The following VTI1A variants were observed in gnomAD, a reference collection of about 807,000 sequenced individuals.
VTI1A encodes vesicle transport through interaction with t-SNAREs 1A.
Under a neutral mutation model 34.9 loss-of-function variants are expected in VTI1A, and 22 were observed. The ratio of observed to expected loss-of-function variants is 0.63; its 90% confidence interval spans 0.45 to 0.90. The LOEUF (loss-of-function observed/expected upper bound fraction) is 0.90, where lower values mean the gene tolerates loss of function less well. VTI1A is among the 40% of genes least tolerant of loss of function. VTI1A has a pLI of 0.00. For synonymous variants in VTI1A, 87 were observed against 97.3 expected, an observed-to-expected ratio of 0.89 and a Z score of 0.62; for missense variants, 268 against 275.6, an observed-to-expected ratio of 0.97 and a Z score of 0.20.
At chr10:112,607,358 A>G (rs914576685) in intron 5 of VTI1A, among the ~76,000 whole-genome samples, 1 of 151,844 alleles carries the variant, frequency 6.6e-6, no homozygotes, top group African/African-American at 2.4e-5. Context: ...GCAGGAGGTG[A>G]GCCAAGATAG....
intron 5 of VTI1A, among the ~76,000 whole-genome samples, chr10:112,597,444 C>T (rs1844699064): frequency 6.6e-6 from 1 of 152,134 alleles, no homozygotes; most frequent in African/African-American, 2.4e-5. Flanking sequence ...TCTCGAACTC[C>T]CGACCGCAGG....
intron 7 of VTI1A, among the ~76,000 whole-genome samples, chr10:112,687,219 CTTTTTTTTTTTTTTTTTTT>C (rs71303594): frequency 4.7e-5 from 4 of 84,566 alleles, no homozygotes; most frequent in Non-Finnish European, 8.7e-5. Flanking sequence ...CATACTACAA[CTTTTTTTTTTTTTTTTTTT>C]TTTTTTTTTT....
intron 3 of VTI1A, among the ~76,000 whole-genome samples, chr10:112,507,795 A>G (rs1449653727): frequency 6.6e-6 from 1 of 152,158 alleles, no homozygotes; most frequent in Admixed American, 6.5e-5. Flanking sequence ...AGGCTCCTTG[A>G]GATCCTAATC....
At position 112,538,199 on chromosome 10, in the gene VTI1A, A is replaced by G. The variant is rs368954164; in HGVS notation, c.343-47A>G. ...TTTTTTTTAAGGCAAAAAAAAGAACATTGTAGACGGCCGTCTGATTTTTTT... is the reference window on the plus strand; with the variant it reads ...TTTTTTTTAAGGCAAAAAAAAGAACGTTGTAGACGGCCGTCTGATTTTTTT... On this transcript the variant is annotated intron_variant, in intron 4 of 7. Transcript: ENST00000393077. 5 of 1,546,762 alleles carry G rather than the reference A, an allele frequency of 3.2e-6. No homozygotes were observed. The South Asian group carries it at 4.5e-5, about 14-fold the overall frequency.
intron 4 of VTI1A, 183 bp downstream of exon 4, chr10:112,527,347 C>T (rs1850270435): frequency 4.3e-6 from 2 of 463,828 alleles, no homozygotes; most frequent in African/African-American, 2.0e-5. Flanking sequence ...TACATTTAAC[C>T]CTTTACCTTG....
At chr10:112,457,362 C>T (rs1293648543) in intron 1 of VTI1A, among the ~76,000 whole-genome samples, 1 of 152,192 alleles carries the variant, frequency 6.6e-6, no homozygotes, top group Admixed American at 6.5e-5. Flanking sequence ...ATGCCAAGCT[C>T]AGTATAGTGT....
At chr10:112,607,151 G>T (rs924628511) in intron 5 of VTI1A, among the ~76,000 whole-genome samples, 34 of 152,042 alleles carry the variant, frequency 2.2e-4, no homozygotes, top group African/African-American at 7.7e-4. Context: ...GCTGGGCATG[G>T]TGGTGGGCAC....
At chr10:112,737,725 A>T in intron 7 of VTI1A, 1 of 1,059,188 alleles carries the variant, frequency 9.4e-7, no homozygotes, top group Non-Finnish European at 1.1e-6. Context: ...GATCTGGAAA[A>T]TTAAAGCTCT....
intron 2 of VTI1A, 133 bp downstream of exon 2, chr10:112,460,715 A>G (rs1023449008): frequency 1.5e-6 from 1 of 647,850 alleles, no homozygotes; most frequent in Non-Finnish European, 2.3e-6. Context: ...GAATTTGTCA[A>G]TTTTTAAATT....
At chr10:112,469,769 C>T (rs968475819) in intron 3 of VTI1A, among the ~76,000 whole-genome samples, 1 of 152,176 alleles carries the variant, frequency 6.6e-6, no homozygotes, top group Admixed American at 6.5e-5. Flanking sequence ...TCGTGGGGTC[C>T]CATCCTCTAC....
chr10:112,820,968 A>T (rs1386260688), downstream of VTI1A, among the ~76,000 whole-genome samples: 3 of 152,228 alleles, frequency 2.0e-5, no homozygotes, highest in East Asian at 5.8e-4. Context: ...AGAGGGGGAA[A>T]GACAGGGTGC....
At chr10:112,462,798 G>A (rs1847768904) in intron 2 of VTI1A, among the ~76,000 whole-genome samples, 1 of 152,204 alleles carries the variant, frequency 6.6e-6, no homozygotes. Flanking sequence ...GTTCCGGAAG[G>A]AACTTATTAG....
chr10:112,663,093 C>T (rs770175614), intron 5 of VTI1A, among the ~76,000 whole-genome samples: 3 of 152,180 alleles, frequency 2.0e-5, no homozygotes, highest in South Asian at 2.1e-4. Context: ...TCTTTACTGA[C>T]GAGCTCCTTC....
intron 7 of VTI1A, among the ~76,000 whole-genome samples, chr10:112,715,536 G>A (rs1590106789): frequency 6.6e-6 from 1 of 152,126 alleles, no homozygotes; most frequent in African/African-American, 2.4e-5. Context: ...GACAGTAAAC[G>A]GTGGAGGTGG....
chr10:112,731,855 A>G (rs1022591308), intron 7 of VTI1A, among the ~76,000 whole-genome samples: 4 of 152,164 alleles, frequency 2.6e-5, no homozygotes, highest in African/African-American at 9.7e-5. Flanking sequence ...TTTTATGTAA[A>G]TGGATTAATT....
At chr10:112,551,100 C>T (rs946003397) in intron 5 of VTI1A, among the ~76,000 whole-genome samples, 1 of 151,902 alleles carries the variant, frequency 6.6e-6, no homozygotes, top group Non-Finnish European at 1.5e-5. Flanking sequence ...AAAAATTAGC[C>T]GGGCGTGATA....
rs571739954 is a variant in VTI1A at position 112,818,397 on chromosome 10, AG to A, written c.*3018del. The A allele has an allele frequency of 8.6e-6, 2 of 232,208 alleles. No individual in the cohort carries two copies. The highest frequency in any genetic ancestry group is 4.4e-5 in the African/African-American group (2 of 45,376). The allele number at this position is 232,208 out of a possible 1,614,324, so 14.4% of individuals were successfully genotyped here. On this transcript the variant is annotated 3_prime_UTR_variant, in exon 8 of 8. Coordinates refer to ENST00000393077, the MANE Select transcript of VTI1A (RefSeq NM_145206.4). ...AGATTATCAACCCATAGAAGAAGGG[AG>A]GGGAAAAAAAAGAAAGAAAGGAAAA...
At chr10:112,551,110 A>G (rs1417525169) in intron 5 of VTI1A, among the ~76,000 whole-genome samples, 2 of 151,908 alleles carry the variant, frequency 1.3e-5, no homozygotes, top group African/African-American at 4.8e-5. Flanking sequence ...CGGGCGTGAT[A>G]GTGGGCGCCT....
At chr10:112,568,114 T>G (rs1851974131) in intron 5 of VTI1A, among the ~76,000 whole-genome samples, 1 of 151,204 alleles carries the variant, frequency 6.6e-6, no homozygotes, top group South Asian at 2.1e-4. Context: ...AACTCAGATA[T>G]AAAGAAAAAA....
Sources: gnomAD v4.1 joint callset for allele counts (sites outside exome capture counted in the v4.1 genomes callset) on GRCh38, gnomAD v4.1.1 for gene constraint, MANE v1.5 for transcripts, NCBI Gene and HGNC (gene_info 2026-07-23, HGNC 2026-07-21) for gene names.